SPEF2: variants seen among roughly 807,000 people sequenced by gnomAD.
SPEF2 encodes sperm flagella and cilia-associated protein 2.
In SPEF2, 187 loss-of-function variants were observed where a neutral mutation model predicts 224.6. That is an observed-to-expected ratio of 0.83 (90% CI 0.74 to 0.94). The LOEUF is 0.94. Among genes scored for constraint, SPEF2 ranks in the 40% least tolerant of loss-of-function variants. SPEF2 has a pLI of 0.00. For synonymous variants in SPEF2, 715 were observed against 707.3 expected, an observed-to-expected ratio of 1.01 and a Z score of -0.17; for missense variants, 2,170 against 2,135.6, an observed-to-expected ratio of 1.02 and a Z score of -0.32.
In SPEF2 at chr5:35,662,479, A is replaced by G. The variant is rs559226207; in HGVS notation, c.1167+3272A>G. Reference sequence around the variant, plus strand: ...TGCTTTTGTTGCAATTGCTTTTGGCATCTTCATCATGAAATCTTTGCCCGT... The same window carrying G: ...TGCTTTTGTTGCAATTGCTTTTGGCGTCTTCATCATGAAATCTTTGCCCGT... On this transcript the variant is annotated intron_variant, in intron 8 of 36. Coordinates refer to ENST00000356031, the MANE Select transcript of SPEF2 (RefSeq NM_024867.4). Among the ~76,000 whole-genome samples the G allele has an allele frequency of 4.6e-5, 7 of 152,174 alleles. No individual in the cohort carries two copies. The South Asian group carries it at 1.5e-3, about 32-fold the overall frequency.
chr5:35,753,851 A>C lies in SPEF2; in HGVS notation c.3468+90A>C, dbSNP rs1334977031. The C allele has an allele frequency of 4.0e-6, 6 of 1,497,002 alleles. No homozygotes were observed. The East Asian group carries it at 9.1e-5, about 23-fold the overall frequency. 92.7% of individuals were successfully genotyped at this position (1,497,002 alleles called of 1,614,324 possible). ...TATGACACTTTCTTGGGAATATGAG[A>C]GGTCTGTTCAGGGCTCATTTTGGTA... On this transcript the variant is annotated intron_variant, in intron 24 of 36. Transcript: ENST00000356031.
rs1466892001 is a variant in SPEF2 at position 35,740,006 on chromosome 5, G to A, written c.3151G>A (p.Glu1051Lys). The change falls in exon 22 of 37, where the codon GAA becomes AAA. Residue 1051 changes from glutamate to lysine, a missense_variant. Transcript: ENST00000356031. The stretch of plus-strand genomic sequence containing the variant: ...CAAAACAGTACTCAGGCATCTGAGG[G>A]AAGACCAGCATACTGTGCTTGCTTA... The part of the protein sequence containing the change: ...TIKTVLRHLR[E>K]DQHTVLAYLY... 1.2e-6 allele frequency: 2 copies of A among 1,614,136 alleles called. No homozygotes were observed. The highest frequency in any genetic ancestry group is 2.2e-5 in the East Asian group (1 of 44,864).
At chr5:35,802,482 T>G (rs569217648) in intron 34 of SPEF2, among the ~76,000 whole-genome samples, 149 of 149,500 alleles carry the variant, frequency 1.0e-3, no homozygotes, top group African/African-American at 3.6e-3. Flanking sequence ...AATAAACAAA[T>G]AAGCAAAACA....
intron 12 of SPEF2, 104 bp from the exon 13 acceptor site, chr5:35,694,184 T>C: frequency 2.5e-6 from 2 of 812,172 alleles, no homozygotes; most frequent in Non-Finnish European, 3.9e-6. Context: ...AGACAAAAAG[T>C]ATTGTATTTG....
chr5:35,705,225 A>G (rs1202631275), intron 17 of SPEF2, among the ~76,000 whole-genome samples: 3 of 152,050 alleles, frequency 2.0e-5, no homozygotes, highest in Non-Finnish European at 4.4e-5. Context: ...AACACTTCTG[A>G]GTAAAATATA....
rs1238965247 is a variant in SPEF2 at position 35,709,011 on chromosome 5, C to T, written c.2729C>T (p.Pro910Leu). Residue 910 changes from proline (P) to leucine (L), a missense_variant, in exon 19 of 37, where the codon CCA (proline) becomes CTA (leucine). By Grantham distance (98) the Pro-to-Leu change is moderately conservative (BLOSUM62 -3). Transcript: ENST00000356031. ...GCAGCAGCTTCCCTGGCTGAGCTTC[C>T]ACTTCCTACACCTCCTCCTGCTCCT... ...KKAAASLAELPLPTPPPAPPP... is the reference protein window; with the variant it reads ...KKAAASLAELLLPTPPPAPPP... 6.2e-7 allele frequency: 1 copy of T among 1,613,654 alleles called. No homozygotes were observed.
intron 26 of SPEF2, among the ~76,000 whole-genome samples, chr5:35,765,784 T>C (rs571561426): frequency 6.6e-6 from 1 of 152,296 alleles, no homozygotes; most frequent in Non-Finnish European, 1.5e-5. Context: ...CTGCTGATTT[T>C]TAAGGAAGTA....
rs781427816 is a variant in SPEF2, at chr5:35,649,423, A to G, written c.789A>G (p.Glu263=). Residue 263 remains glutamate, a splice_region_variant and synonymous_variant, in exon 6 of 37, where the codon GAA becomes GAG. Coordinates refer to ENST00000356031, the MANE Select transcript of SPEF2 (RefSeq NM_024867.4). ...TAAAAAAGGATCTCCAAGCAAAAGA[A>G]AGGTGAGATGTGAGCTATTTTAAGA... ...ALIKKDLQAK[E]SASKTSLDTA... is the part of the protein sequence containing the mutation. 6.2e-7 allele frequency: 1 copy of G among 1,610,716 alleles called. No homozygotes were observed. The highest frequency in any genetic ancestry group is 2.2e-5 in the East Asian group (1 of 44,642).
intron 34 of SPEF2, among the ~76,000 whole-genome samples, chr5:35,802,174 G>C (rs761915310): frequency 1.3e-5 from 2 of 152,106 alleles, no homozygotes; most frequent in African/African-American, 2.4e-5. Context: ...CTTTACTCTT[G>C]TTACTCTCTC....
intron 10 of SPEF2, 46 bp downstream of exon 10, chr5:35,670,273 TTTTC>T (rs1437343768): frequency 6.5e-6 from 10 of 1,529,734 alleles, no homozygotes; most frequent in Non-Finnish European, 8.8e-6. Context: ...AATAAATCCT[TTTTC>T]TTTAACATTA....
At chr5:35,660,348 A>C (rs1337444323) in intron 8 of SPEF2, among the ~76,000 whole-genome samples, 5 of 152,216 alleles carry the variant, frequency 3.3e-5, no homozygotes, top group African/African-American at 1.2e-4. Context: ...ACTGGGCAGA[A>C]GAGAAACCTT....
intron 7 of SPEF2, among the ~76,000 whole-genome samples, chr5:35,658,177 A>G (rs1749207467): frequency 6.6e-6 from 1 of 152,196 alleles, no homozygotes; most frequent in Non-Finnish European, 1.5e-5. Flanking sequence ...TAGGCCCGAG[A>G]AACTGAGTTA....
chr5:35,814,595 C>A lies in SPEF2; in HGVS notation c.*42C>A. The A allele has an allele frequency of 7.5e-7, 1 of 1,339,258 alleles. No individual in the cohort carries two copies. The highest frequency in any genetic ancestry group is 1.0e-6 in the Non-Finnish European group (1 of 952,986). The allele number at this position is 1,339,258 out of a possible 1,614,324, so 83.0% of individuals were successfully genotyped here. A position where few individuals can be genotyped will look rare whatever the true frequency, so the allele number is the denominator to read the frequency against. ...TTTTTTTAATTCTGCAATAAATCTT[C>A]CAAAAATTAAATGTGACCATGGTGT... On this transcript the variant is annotated 3_prime_UTR_variant, in exon 37 of 37. Transcript: ENST00000356031.
At chr5:35,761,054 T>C (rs1279804755) in intron 25 of SPEF2, among the ~76,000 whole-genome samples, 1 of 152,132 alleles carries the variant, frequency 6.6e-6, no homozygotes. Flanking sequence ...GAAGATTAAA[T>C]TTAAATCTCC....
chr5:35,773,461 G>T (rs374116721), intron 27 of SPEF2, among the ~76,000 whole-genome samples: 1 of 152,082 alleles, frequency 6.6e-6, no homozygotes, highest in Admixed American at 6.6e-5. Flanking sequence ...GGTTATTCTC[G>T]TATCTTCTTT....
chr5:35,800,986 T>C (rs1757343545), intron 34 of SPEF2, among the ~76,000 whole-genome samples: 1 of 152,208 alleles, frequency 6.6e-6, no homozygotes, highest in Non-Finnish European at 1.5e-5. Flanking sequence ...AGGGAAGAGA[T>C]AAACTCTTAA....
At chr5:35,705,618 A>G in intron 17 of SPEF2, 33 bp from the exon 18 acceptor site, 2 of 1,520,564 alleles carry the variant, frequency 1.3e-6, no homozygotes, top group Non-Finnish European at 8.9e-7. Context: ...TTTGATCAGT[A>G]TGAGATATTC....
chr5:35,803,872 C>A (rs551904614), intron 34 of SPEF2, among the ~76,000 whole-genome samples: 2 of 152,154 alleles, frequency 1.3e-5, no homozygotes, highest in African/African-American at 2.4e-5. Flanking sequence ...TTATTCAATG[C>A]GGCTCAGGCC....
intron 25 of SPEF2, among the ~76,000 whole-genome samples, chr5:35,761,195 A>T (rs565821873): frequency 5.4e-4 from 82 of 152,258 alleles, no homozygotes; most frequent in African/African-American, 1.8e-3. Context: ...AGTAAGACAG[A>T]TCTGGTTTGA....
Sources: gnomAD v4.1 joint callset for allele counts (sites outside exome capture counted in the v4.1 genomes callset) on GRCh38, gnomAD v4.1.1 for gene constraint, MANE v1.5 for transcripts, NCBI Gene and HGNC (gene_info 2026-07-23, HGNC 2026-07-21) for gene names.